Variants in PIK3R2 observed in about 807,000 individuals in gnomAD.
PIK3R2 encodes phosphatidylinositol 3-kinase regulatory subunit beta.
PIK3R2 carries 40 observed loss-of-function variants against 78.5 expected under a neutral mutation model. The observed-to-expected ratio is 0.51, with a 90% confidence interval of 0.40 to 0.66. The LOEUF is 0.66. PIK3R2 is among the 30% of genes least tolerant of loss of function. PIK3R2 has a pLI of 0.00. For synonymous variants in PIK3R2, 473 were observed against 457.7 expected, an observed-to-expected ratio of 1.03 and a Z score of -0.43; for missense variants, 880 against 1,026.6, an observed-to-expected ratio of 0.86 and a Z score of 1.95.
At position 18,153,985 on chromosome 19, in the gene PIK3R2, G is replaced by C. The variant is rs542421186; in HGVS notation, c.-424+691G>C. ...CCGCCCTGCTCGGACACCTCTTGGG[G>C]TTCCCCGTGACTGAAGGATGCTCAG... On this transcript the variant is annotated intron_variant, in intron 1 of 15. Coordinates refer to ENST00000222254, the MANE Select transcript of PIK3R2 (RefSeq NM_005027.4). 3.9e-5 allele frequency among the ~76,000 whole-genome samples: 6 copies of C among 152,318 alleles called. No homozygotes were observed. The South Asian group carries it at 1.2e-3, about 32-fold the overall frequency.
At position 18,161,639 on chromosome 19, in the gene PIK3R2, A is replaced by G; in HGVS notation, c.815+144A>G. 3 of 505,972 alleles carry G rather than the reference A, an allele frequency of 5.9e-6. No individual in the cohort carries two copies. The South Asian group carries it at 1.0e-4, about 17-fold the overall frequency. 31.3% of individuals were successfully genotyped at this position (505,972 alleles called of 1,614,324 possible). A position where few individuals can be genotyped will look rare whatever the true frequency, so the allele number is the denominator to read the frequency against. ...AGAAGCTGCGTTCTTGTGATGACGG[A>G]GCGGAGACCTGGGCTCCTGAGTCGT... is the stretch of plus-strand genomic sequence containing the variant. On this transcript the variant is annotated intron_variant, in intron 6 of 15. Transcript: ENST00000222254. The surrounding 1 kb of genome is among the most constrained non-coding windows in gnomAD (Gnocchi z 5.3).
rs757901079 is a variant in PIK3R2, at chr19:18,168,806, C to T, written c.1889C>T (p.Thr630Met). 3 of 1,613,772 alleles carry T rather than the reference C, an allele frequency of 1.9e-6. No individual in the cohort carries two copies. Among genetic ancestry groups the T allele is most frequent in the Non-Finnish European group, 2.5e-6 (3 of 1,179,902 alleles). Residue 630 changes from threonine (T) to methionine (M), a missense_variant, in exon 15 of 16, where the codon ACG becomes ATG. Thr to Met is a moderately conservative substitution (Grantham distance 81, BLOSUM62 -1). This residue lies in a region of PIK3R2 where 268 missense variants were observed against 299.1 expected (regional missense o/e 0.90). Coordinates refer to ENST00000222254, the MANE Select transcript of PIK3R2 (RefSeq NM_005027.4). This position sits in a 1 kb window ranked among gnomAD's most constrained non-coding sequence, Gnocchi z 4.1. ...TGGTACGTGGGCAAGATCAACCGCA[C>T]GCAGGCAGAGGAGATGCTGAGTGGC... ...RTWYVGKINR[T>M]QAEEMLSGKR...
At chr19:18,162,094 G>A (rs902670702) in intron 7 of PIK3R2, 43 bp downstream of exon 7, 2 of 1,568,726 alleles carry the variant, frequency 1.3e-6, no homozygotes, top group Non-Finnish European at 1.8e-6. Context: ...GTTGGGGGCC[G>A]TAAATACTGA....
chr19:18,168,946 A>G lies in PIK3R2; in HGVS notation c.1979+50A>G. 6.3e-7 allele frequency: 1 copy of G among 1,580,788 alleles called. No individual in the cohort carries two copies. The highest frequency in any genetic ancestry group is 1.7e-4 in the Middle Eastern group (1 of 5,994). On this transcript the variant is annotated intron_variant, in intron 15 of 15. Transcript: ENST00000222254. The surrounding 1 kb of genome is among the most constrained non-coding windows in gnomAD (Gnocchi z 4.1). The stretch of plus-strand genomic sequence containing the variant: ...TTCCCGCGTCCCTCCCAGAGCTCTC[A>G]TTGAATGCCTGCCGCGTGCCAGGCC...
intron 1 of PIK3R2, among the ~76,000 whole-genome samples, chr19:18,154,160 A>G (rs1482194250): frequency 6.6e-6 from 1 of 152,048 alleles, no homozygotes; most frequent in Non-Finnish European, 1.5e-5. Context: ...GTGATGATCC[A>G]TTCTCTAGAA....
chr19:18,160,566 A>G lies in PIK3R2; in HGVS notation c.415+3A>G, dbSNP rs1398965899. The stretch of plus-strand genomic sequence containing the variant: ...TGTGGAGGCCATTGAAAGGACAGGT[A>G]AGTTCCAGCCTGGCTGCAGCCCCTG... On this transcript the variant is annotated splice_donor_region_variant and intron_variant, in intron 3 of 15. Coordinates refer to ENST00000222254, the MANE Select transcript of PIK3R2 (RefSeq NM_005027.4). 3 of 1,609,550 alleles carry G rather than the reference A, an allele frequency of 1.9e-6. No homozygotes were observed. The highest frequency in any genetic ancestry group is 2.2e-5 in the South Asian group (2 of 90,738).
At chr19:18,154,807 T>G (rs2043660106) in intron 1 of PIK3R2, among the ~76,000 whole-genome samples, 1 of 134,608 alleles carries the variant, frequency 7.4e-6, no homozygotes, top group African/African-American at 2.6e-5. Context: ...CCGGGCGCGG[T>G]GGCTCACACC....
In PIK3R2 at chr19:18,156,450, G is replaced by A. The variant is rs1041621472; in HGVS notation, c.322+249G>A. Among the ~76,000 whole-genome samples, 4 of 152,308 alleles carry A rather than the reference G, an allele frequency of 2.6e-5. No homozygotes were observed. Among genetic ancestry groups the A allele is most frequent in the South Asian group, 2.1e-4 (1 of 4,828 alleles). On this transcript the variant is annotated intron_variant, in intron 2 of 15. Transcript: ENST00000222254. The surrounding 1 kb of genome is among the most constrained non-coding windows in gnomAD (Gnocchi z 4.2). ...ACATGCCATGAGGAAGGGGGCTTGC[G>A]TGGGAAGATGCGAGGGTGGAAGCTC...
intron 1 of PIK3R2, among the ~76,000 whole-genome samples, chr19:18,154,735 T>G (rs967965997): frequency 1.3e-5 from 2 of 151,964 alleles, no homozygotes; most frequent in East Asian, 3.9e-4. Flanking sequence ...CCTAGATACC[T>G]CCCTGCTCTG....
chr19:18,154,373 A>C (rs932301243), intron 1 of PIK3R2, among the ~76,000 whole-genome samples: 2 of 151,920 alleles, frequency 1.3e-5, no homozygotes, highest in Admixed American at 1.3e-4. Flanking sequence ...GCCTGGGGCT[A>C]AGGTTCCTTC....
chr19:18,156,138 G>A lies in PIK3R2; in HGVS notation c.259G>A (p.Gly87Ser), dbSNP rs1270183802. Residue 87 changes from glycine to serine, a missense_variant, in exon 2 of 16, where the codon GGC becomes AGC. Coordinates refer to ENST00000222254, the MANE Select transcript of PIK3R2 (RefSeq NM_005027.4). This position sits in a 1 kb window ranked among gnomAD's most constrained non-coding sequence, Gnocchi z 4.2. ...FLGPVALARP[G>S]PRPRGPRPLP... ...GGGGCCCGTGGCCCTGGCCCGGCCCGGCCCTCGCCCACGGGGCCCCCGCCC... is the reference window on the plus strand; with the variant it reads ...GGGGCCCGTGGCCCTGGCCCGGCCCAGCCCTCGCCCACGGGGCCCCCGCCC... The A allele has an allele frequency of 9.4e-6, 14 of 1,484,488 alleles. No homozygotes were observed. The highest frequency in any genetic ancestry group is 7.9e-5 in the East Asian group (3 of 38,178). 92.0% of individuals were successfully genotyped at this position (1,484,488 alleles called of 1,614,324 possible). A position where few individuals can be genotyped will look rare whatever the true frequency, so the allele number is the denominator to read the frequency against.
chr19:18,158,876 CTT>C (rs940520545), intron 2 of PIK3R2, among the ~76,000 whole-genome samples: 5 of 152,070 alleles, frequency 3.3e-5, no homozygotes, highest in Non-Finnish European at 7.4e-5. Flanking sequence ...GAGTTTCGCT[CTT>C]GTCGCCCAGG....
In PIK3R2 at chr19:18,167,097, T is replaced by C. The variant is rs2043816980; in HGVS notation, c.1560-33T>C. 2 of 1,515,124 alleles carry C rather than the reference T, an allele frequency of 1.3e-6. No individual in the cohort carries two copies. Among genetic ancestry groups the C allele is most frequent in the Non-Finnish European group, 8.9e-7 (1 of 1,128,912 alleles). The allele number at this position is 1,515,124 out of a possible 1,614,324, so 93.9% of individuals were successfully genotyped here. On this transcript the variant is annotated intron_variant, in intron 12 of 15. Transcript: ENST00000222254. The surrounding 1 kb of genome is among the most constrained non-coding windows in gnomAD (Gnocchi z 4.5). ...GGTGCAGTGAGCCGAGATAAAACCCTGAGGTCTCTGCGCCACCCCACCCCT... is the reference window on the plus strand; with the variant it reads ...GGTGCAGTGAGCCGAGATAAAACCCCGAGGTCTCTGCGCCACCCCACCCCT...
In PIK3R2 at chr19:18,155,652, A is replaced by G. The variant is rs1483809835; in HGVS notation, c.-228A>G. The G allele has an allele frequency of 7.4e-6, 4 of 543,298 alleles. No homozygotes were observed. The highest frequency in any genetic ancestry group is 2.0e-5 in the African/African-American group (1 of 49,678). The allele number at this position is 543,298 out of a possible 1,614,324, so 33.7% of individuals were successfully genotyped here. On this transcript the variant is annotated 5_prime_UTR_variant, in exon 2 of 16. Coordinates refer to ENST00000222254, the MANE Select transcript of PIK3R2 (RefSeq NM_005027.4). ...GACACCACACCACCAACTCCCTCCC[A>G]CCAGCTGACGAATGGTGGACCCAGT...
chr19:18,153,317 G>T, intron 1 of PIK3R2, 23 bp downstream of exon 1: 1 of 153,698 alleles, frequency 6.5e-6, no homozygotes, highest in South Asian at 1.8e-4. Flanking sequence ...TGGCCCTCGT[G>T]GCGGGGGCGG....
chr19:18,159,040 C>A (rs1334037486), intron 2 of PIK3R2, among the ~76,000 whole-genome samples: 5 of 151,048 alleles, frequency 3.3e-5, no homozygotes, highest in African/African-American at 1.2e-4. Flanking sequence ...CAGGGTTTTA[C>A]CATGTTGGTC....
In PIK3R2 at chr19:18,156,815, C is replaced by T. The variant is rs1261593633; in HGVS notation, c.322+614C>T. On this transcript the variant is annotated intron_variant, in intron 2 of 15. Transcript: ENST00000222254. The surrounding 1 kb of genome is among the most constrained non-coding windows in gnomAD (Gnocchi z 4.2). ...ACATCCCTCTTCAAAGACCCTTGGC[C>T]ATCACCACTTGCCAGGGGTGTGCCA... Among the ~76,000 whole-genome samples, 1 of 152,164 alleles carries T rather than the reference C, an allele frequency of 6.6e-6. No individual in the cohort carries two copies. Among genetic ancestry groups the T allele is most frequent in the Non-Finnish European group, 1.5e-5 (1 of 68,026 alleles).
In PIK3R2 at chr19:18,162,017, G is replaced by A. The variant is rs1460926702; in HGVS notation, c.867G>A (p.Gln289=). 1.9e-6 allele frequency: 3 copies of A among 1,613,970 alleles called. No individual in the cohort carries two copies. The highest frequency in any genetic ancestry group is 2.5e-6 in the Non-Finnish European group (3 of 1,179,932). Residue 289 remains glutamine, a synonymous_variant, in exon 7 of 16, where the codon CAG becomes CAA. Coordinates refer to ENST00000222254, the MANE Select transcript of PIK3R2 (RefSeq NM_005027.4). ...FPALLVEKLL[Q]EHLEEQEVAP... is the part of the protein sequence containing the mutation. ...CGCTGCTGGTGGAGAAGCTGCTTCA[G>A]GAACACTTGGAAGAGCAGGAGGTTG... is the stretch of plus-strand genomic sequence containing the variant.
chr19:18,169,104 A>G lies in PIK3R2; in HGVS notation c.1997A>G (p.Lys666Arg), dbSNP rs1237605677. 1 of 1,611,304 alleles carries G rather than the reference A, an allele frequency of 6.2e-7. No homozygotes were observed. Among genetic ancestry groups the G allele is most frequent in the Non-Finnish European group, 8.5e-7 (1 of 1,179,604 alleles). ...ACSVVVDGDT[K>R]HCVIYRTATG... is the part of the protein sequence containing the mutation. ...CCCCACAGAGTGGACGGCGACACCA[A>G]GCACTGCGTCATCTACCGCACGGCC... Residue 666 changes from lysine to arginine, a missense_variant, in exon 16 of 16, where the codon AAG becomes AGG. By Grantham distance (26) the Lys-to-Arg change is conservative (BLOSUM62 2). Transcript: ENST00000222254.
Sources: gnomAD v4.1 joint callset for allele counts (sites outside exome capture counted in the v4.1 genomes callset) on GRCh38, gnomAD v4.1.1 for gene constraint, gnomAD v4.1.1 regional missense constraint, Gnocchi (gnomAD v3.1) non-coding constraint, MANE v1.5 for transcripts, NCBI Gene and HGNC (gene_info 2026-07-23, HGNC 2026-07-21) for gene names.